SV2C: variants seen among roughly 807,000 people sequenced by gnomAD.
SV2C encodes the protein synaptic vesicle glycoprotein 2C, also known as solute carrier family 22 member B3.
Under a neutral mutation model 79.7 loss-of-function variants are expected in SV2C, and 49 were observed. The ratio of observed to expected loss-of-function variants is 0.61; its 90% CI spans 0.49 to 0.78. SV2C has a LOEUF of 0.78. SV2C is among the 30% of genes least tolerant of loss of function. The pLI is 0.00. For missense variants in SV2C, 833 were observed against 912.9 expected (o/e 0.91, Z 1.13); for synonymous variants, 334 against 333.2 (o/e 1.00, Z -0.03).
At chr5:75,981,583 A>T in the SV2C span, among the ~76,000 whole-genome samples, 3 of 152,064 alleles carry the variant, frequency 2.0e-5, no homozygotes, top group Non-Finnish European at 4.4e-5. Context: ...ACTATCTGAT[A>T]TGCCACAAAC....
At chr5:76,150,637 T>A (rs1243642182) in intron 2 of SV2C, among the ~76,000 whole-genome samples, 12 of 124,334 alleles carry the variant, frequency 9.7e-5, no homozygotes, top group African/African-American at 3.3e-4. Flanking sequence ...TTTTTTTTTT[T>A]TTTTTTTTTT....
chr5:76,142,663 G>GTTTT (rs1749293105), intron 2 of SV2C, among the ~76,000 whole-genome samples: 1 of 152,104 alleles, frequency 6.6e-6, no homozygotes, highest in Admixed American at 6.5e-5. Context: ...TCTTTTGTTT[G>GTTTT]GGACATTTAG....
chr5:76,214,502 T>A (rs986521180), intron 4 of SV2C, among the ~76,000 whole-genome samples: 1 of 152,218 alleles, frequency 6.6e-6, no homozygotes, highest in African/African-American at 2.4e-5. Flanking sequence ...TTACTTTAGC[T>A]ACTCAGGGTC....
At chr5:76,185,119 C>G (rs1743871632) in intron 2 of SV2C, among the ~76,000 whole-genome samples, 1 of 152,188 alleles carries the variant, frequency 6.6e-6, no homozygotes, top group South Asian at 2.1e-4. Context: ...AGTAGTTAAA[C>G]CTTAACATTC....
At chr5:76,352,921 C>G (rs1749669522) in intron 12 of SV2C, among the ~76,000 whole-genome samples, 1 of 146,946 alleles carries the variant, frequency 6.8e-6, no homozygotes, top group Non-Finnish European at 1.5e-5. Context: ...TATTGAAATT[C>G]TTTTTTTTAT....
At chr5:76,324,779 C>A (rs1430103637) in intron 12 of SV2C, among the ~76,000 whole-genome samples, 1 of 152,126 alleles carries the variant, frequency 6.6e-6, no homozygotes, top group Non-Finnish European at 1.5e-5. Flanking sequence ...TCACTTGAAC[C>A]TGCGAAGTGG....
rs984546713 is a variant in SV2C, at chr5:76,173,043, TA to T, written c.581-21869del. Among the ~76,000 whole-genome samples, 58 of 63,210 alleles carry T rather than the reference TA, an allele frequency of 9.2e-4. 3 individuals are homozygous for T. The South Asian group carries it at 0.024, about 26-fold the overall frequency. The allele number at this position is 63,210 out of a possible 152,430, so 41.5% of individuals were successfully genotyped here. On this transcript the variant is annotated intron_variant, in intron 2 of 12. Coordinates refer to ENST00000502798, the MANE Select transcript of SV2C (RefSeq NM_014979.4). ...GTGAGAAACACCCAAGAATTATCAA[TA>T]AAAAAATAAATTAAAAAAAAATACA...
At chr5:75,944,664 C>T in the SV2C span, among the ~76,000 whole-genome samples, 1 of 152,060 alleles carries the variant, frequency 6.6e-6, no homozygotes, top group Non-Finnish European at 1.5e-5. Context: ...TAAGGACAGG[C>T]TAATATATGC....
chr5:76,252,446 A>G (rs1170199857), intron 4 of SV2C, among the ~76,000 whole-genome samples: 3 of 152,184 alleles, frequency 2.0e-5, no homozygotes, highest in Non-Finnish European at 2.9e-5. Flanking sequence ...AAGAAAGTCA[A>G]TTTTAAGAAA....
the SV2C span, among the ~76,000 whole-genome samples, chr5:75,927,528 T>C: frequency 2.0e-5 from 3 of 151,964 alleles, no homozygotes; most frequent in African/African-American, 7.3e-5. Flanking sequence ...TTTCAATGGG[T>C]ATGAAGTTTC....
intron 4 of SV2C, among the ~76,000 whole-genome samples, chr5:76,269,317 T>C (rs1032934410): frequency 2.6e-5 from 4 of 152,210 alleles, no homozygotes; most frequent in Non-Finnish European, 5.9e-5. Context: ...CTTAGTTACG[T>C]TTGAATTCCA....
At chr5:76,041,951 C>T in the SV2C span, among the ~76,000 whole-genome samples, 3 of 152,236 alleles carry the variant, frequency 2.0e-5, no homozygotes, top group South Asian at 2.1e-4. Flanking sequence ...CCAGAACGCT[C>T]CCCCTGCTTT....
In SV2C at chr5:76,325,089, C is replaced by T. The variant is rs80005412; in HGVS notation, c.2001-275C>T. Among the ~76,000 whole-genome samples the T allele has an allele frequency of 7.9e-5, 12 of 152,312 alleles. No individual in the cohort carries two copies. In the East Asian group the frequency reaches 2.1e-3, roughly 27 times the overall value. On this transcript the variant is annotated intron_variant, in intron 12 of 12. Transcript: ENST00000502798. Reference sequence around the variant, plus strand: ...CACTAGAGATGTTTCGTACTCCCTACAATTTTTTCTCTCTTTCTGTTCACA... The same window carrying T: ...CACTAGAGATGTTTCGTACTCCCTATAATTTTTTCTCTCTTTCTGTTCACA...
At chr5:75,984,470 A>T in the SV2C span, among the ~76,000 whole-genome samples, 5 of 152,236 alleles carry the variant, frequency 3.3e-5, no homozygotes, top group Middle Eastern at 0.01. Context: ...GAAGTTAAAA[A>T]TCAGAGAGGT....
chr5:75,920,815 C>T, the SV2C span: 136 of 767,962 alleles, frequency 1.8e-4, no homozygotes, highest in Middle Eastern at 3.7e-4. Context: ...CCAGGCGAGA[C>T]GTTCTTCAGG....
At chr5:75,858,199 G>A in the SV2C span, among the ~76,000 whole-genome samples, 11 of 152,178 alleles carry the variant, frequency 7.2e-5, no homozygotes, top group African/African-American at 2.7e-4. Flanking sequence ...TACTGGAAAA[G>A]CTTTCGGTTT....
At chr5:75,915,836 G>A in the SV2C span, among the ~76,000 whole-genome samples, 4 of 152,202 alleles carry the variant, frequency 2.6e-5, no homozygotes, top group Admixed American at 6.5e-5. Context: ...AGAGCTTGAT[G>A]TGGGCCTTGA....
At chr5:76,297,161 A>G (rs1364717792) in intron 9 of SV2C, among the ~76,000 whole-genome samples, 1 of 152,232 alleles carries the variant, frequency 6.6e-6, no homozygotes, top group African/African-American at 2.4e-5. Flanking sequence ...TATGTTACAC[A>G]TTTATTTTAA....
chr5:76,223,454 T>C (rs866595721), intron 4 of SV2C, among the ~76,000 whole-genome samples: 828 of 22,070 alleles, frequency 0.038, 16 homozygotes, highest in East Asian at 0.056. Context: ...CATATATATA[T>C]ATATATATAT....
Sources: gnomAD v4.1 joint callset for allele counts (sites outside exome capture counted in the v4.1 genomes callset) on GRCh38, gnomAD v4.1.1 for gene constraint, MANE v1.5 for transcripts, NCBI Gene and HGNC (gene_info 2026-07-23, HGNC 2026-07-21) for gene names.